The following PCDHGB2 variants were observed in gnomAD, a reference collection of about 807,000 sequenced individuals.
PCDHGB2 encodes protocadherin gamma-B2.
In PCDHGB2, 55 loss-of-function variants were observed where a neutral mutation model predicts 59.3. The ratio of observed to expected loss-of-function variants is 0.93; its 90% CI spans 0.75 to 1.16. PCDHGB2 has a LOEUF of 1.16. PCDHGB2 is among the 50% of genes most tolerant of loss of function. The pLI, the probability that PCDHGB2 is intolerant of heterozygous loss-of-function variation, is 0.00. For missense variants in PCDHGB2, 1,228 were observed against 1,198.5 expected (o/e 1.02, Z -0.36); for synonymous variants, 516 against 512.0 (o/e 1.01, Z -0.11).
chr5:141,408,125 C>T, intron 1 of PCDHGB2: 1 of 1,478,650 alleles, frequency 6.8e-7, no homozygotes, highest in South Asian at 1.4e-5. Context: ...CTGTCCTGGG[C>T]CGAATGCTCT....
chr5:141,478,672 A>G (rs1216792401), intron 1 of PCDHGB2: 22 of 1,551,540 alleles, frequency 1.4e-5, no homozygotes, highest in Admixed American at 2.0e-5. Flanking sequence ...CACACTTTCA[A>G]CTGGCCCTTC....
chr5:141,490,363 C>A lies in PCDHGB2; in HGVS notation c.2422-4444C>A. The A allele has an allele frequency of 6.2e-7, 1 of 1,614,154 alleles. No individual in the cohort carries two copies. Among genetic ancestry groups the A allele is most frequent in the South Asian group, 1.1e-5 (1 of 91,078 alleles). On this transcript the variant is annotated intron_variant, in intron 1 of 3. Coordinates refer to ENST00000522605, the MANE Select transcript of PCDHGB2 (RefSeq NM_018923.3). The surrounding 1 kb of genome is among the most constrained non-coding windows in gnomAD (Gnocchi z 5.4). Reference sequence around the variant, plus strand: ...CACAGTAGTGGGGTTGTTTAATGTGCGAGACCGGGACTCAGGTAGAAATGG... The same window carrying A: ...CACAGTAGTGGGGTTGTTTAATGTGAGAGACCGGGACTCAGGTAGAAATGG...
intron 1 of PCDHGB2, among the ~76,000 whole-genome samples, chr5:141,468,830 C>T (rs561511870): frequency 2.0e-5 from 3 of 152,170 alleles, no homozygotes; most frequent in East Asian, 1.9e-4. Flanking sequence ...CAAGCCACTG[C>T]ACTCCAGCCT....
At position 141,491,679 on chromosome 5, in the gene PCDHGB2, T is replaced by C. The variant is rs111288145; in HGVS notation, c.2422-3128T>C. On this transcript the variant is annotated intron_variant, in intron 1 of 3. Coordinates refer to ENST00000522605, the MANE Select transcript of PCDHGB2 (RefSeq NM_018923.3). This position sits in a 1 kb window ranked among gnomAD's most constrained non-coding sequence, Gnocchi z 6.9. ...CTGACGCCATCCGGTCCCGCTCTAA[T>C]ACGCTGCGGGAGCGGAGCCAGGTGA... is the stretch of plus-strand genomic sequence containing the variant. 21 of 1,613,378 alleles carry C rather than the reference T, an allele frequency of 1.3e-5. No homozygotes were observed. Among genetic ancestry groups the C allele is most frequent in the Middle Eastern group, 1.6e-4 (1 of 6,078 alleles).
chr5:141,409,669 C>T, intron 1 of PCDHGB2: 1 of 1,613,528 alleles, frequency 6.2e-7, no homozygotes, highest in Non-Finnish European at 8.5e-7. Context: ...ACATCTCCTA[C>T]TCTATAGTGG....
intron 1 of PCDHGB2, chr5:141,395,403 A>G: frequency 2.4e-6 from 2 of 849,494 alleles, no homozygotes; most frequent in East Asian, 2.8e-5. Flanking sequence ...TCTAATAGTC[A>G]TAGGTTATTG....
At chr5:141,402,597 T>G (rs1268830791) in intron 1 of PCDHGB2, among the ~76,000 whole-genome samples, 1 of 152,254 alleles carries the variant, frequency 6.6e-6, no homozygotes, top group African/African-American at 2.4e-5. Context: ...TAGATTGCTT[T>G]TGAAATACAA....
intron 1 of PCDHGB2, chr5:141,430,905 C>T: frequency 6.2e-7 from 1 of 1,606,922 alleles, no homozygotes; most frequent in Non-Finnish European, 8.5e-7. Context: ...GGCGACATCT[C>T]CAGGGACCTG....
At chr5:141,464,976 A>G (rs2154568682) in intron 1 of PCDHGB2, among the ~76,000 whole-genome samples, 1 of 152,214 alleles carries the variant, frequency 6.6e-6, no homozygotes, top group East Asian at 1.9e-4. Flanking sequence ...TACTGGCTTC[A>G]AGTGATCCTC....
intron 1 of PCDHGB2, chr5:141,417,639 C>G: frequency 1.3e-6 from 1 of 745,670 alleles, no homozygotes; most frequent in Non-Finnish European, 2.1e-6. Flanking sequence ...CGCCGGGGAT[C>G]CCTCAGCCTC....
Position 141,393,951 on chromosome 5 carries a change from G to A in PCDHGB2, c.2421+31395G>A, listed in dbSNP as rs778713382. The A allele has an allele frequency of 6.4e-5, 104 of 1,613,726 alleles. No homozygotes were observed. The highest frequency in any genetic ancestry group is 1.6e-4 in the Middle Eastern group (1 of 6,084). ...GCATGACCAAGACTCTGGAAAGAAT[G>A]GTCAAGTTGTCTGTTACACACGTGA... On this transcript the variant is annotated intron_variant, in intron 1 of 3. Transcript: ENST00000522605.
At chr5:141,376,382 C>T in intron 1 of PCDHGB2, 2 of 1,614,230 alleles carry the variant, frequency 1.2e-6, no homozygotes, top group Non-Finnish European at 1.7e-6. Flanking sequence ...GCGTAAGAGT[C>T]ATCTGATTTT....
At chr5:141,413,956 G>C in intron 1 of PCDHGB2, 11 of 1,613,484 alleles carry the variant, frequency 6.8e-6, no homozygotes, top group Non-Finnish European at 9.3e-6. Context: ...GAATTTGCCT[G>C]TGGGCACTCA....
At chr5:141,427,692 C>A in intron 1 of PCDHGB2, 1 of 903,150 alleles carries the variant, frequency 1.1e-6, no homozygotes, top group Non-Finnish European at 1.8e-6. Context: ...AGCCTCCATC[C>A]CACAAGTCAG....
chr5:141,436,659 G>A (rs771567212), intron 1 of PCDHGB2, among the ~76,000 whole-genome samples: 3 of 152,136 alleles, frequency 2.0e-5, no homozygotes, highest in Non-Finnish European at 2.9e-5. Flanking sequence ...GCCATTTTTA[G>A]TGGTTGACCA....
intron 1 of PCDHGB2, chr5:141,393,596 G>T (rs775299518): frequency 1.2e-6 from 2 of 1,613,900 alleles, no homozygotes; most frequent in Non-Finnish European, 8.5e-7. Context: ...GCACGCGGCT[G>T]CTTACTGTAA....
At chr5:141,496,011 T>G (rs1232125559) in intron 2 of PCDHGB2, among the ~76,000 whole-genome samples, 1 of 152,114 alleles carries the variant, frequency 6.6e-6, no homozygotes, top group African/African-American at 2.4e-5. Flanking sequence ...ATCTTGTCTT[T>G]TTTCTCTGAG....
At chr5:141,376,078 C>T (rs752847017) in intron 1 of PCDHGB2, 7 of 1,613,392 alleles carry the variant, frequency 4.3e-6, no homozygotes, top group South Asian at 3.3e-5. Flanking sequence ...TGGCCGTGGC[C>T]GACAGGATCC....
At chr5:141,407,622 A>G (rs2094961891) in intron 1 of PCDHGB2, among the ~76,000 whole-genome samples, 3 of 152,316 alleles carry the variant, frequency 2.0e-5, no homozygotes, top group South Asian at 2.1e-4. Context: ...TTGACATTCT[A>G]TATCTCGTAT....
Sources: gnomAD v4.1 joint callset for allele counts (sites outside exome capture counted in the v4.1 genomes callset) on GRCh38, gnomAD v4.1.1 for gene constraint, Gnocchi (gnomAD v3.1) non-coding constraint, MANE v1.5 for transcripts, NCBI Gene and HGNC (gene_info 2026-07-23, HGNC 2026-07-21) for gene names.